The following MAPK10 variants were observed in gnomAD, a reference collection of about 807,000 sequenced individuals.
MAPK10 encodes the protein JNK3 alpha protein kinase.
In MAPK10, 25 loss-of-function variants were observed where a neutral mutation model predicts 59.3. That is an observed-to-expected ratio of 0.42 (90% CI 0.31 to 0.59). MAPK10 has a LOEUF of 0.59. Among genes scored for constraint, MAPK10 ranks in the 20% least tolerant of loss-of-function variants. MAPK10 has a pLI of 0.15. For missense variants in MAPK10, 351 were observed against 568.9 expected, an observed-to-expected ratio of 0.62 and a Z score of 3.90; for synonymous variants, 190 against 200.5, an observed-to-expected ratio of 0.95 and a Z score of 0.44.
intron 2 of MAPK10, among the ~76,000 whole-genome samples, chr4:86,217,252 C>T (rs1385333507): frequency 1.3e-5 from 2 of 152,096 alleles, no homozygotes; most frequent in Admixed American, 6.5e-5. Flanking sequence ...GGAGCCTGAA[C>T]CTAGACACAA....
intron 1 of MAPK10, chr4:86,370,817 T>A (rs1187932814): frequency 4.6e-5 from 7 of 152,200 alleles, no homozygotes; most frequent in Non-Finnish European, 1.5e-5. Context: ...TCTGTCGACA[T>A]GTTTCTTCAT....
intron 1 of MAPK10, among the ~76,000 whole-genome samples, chr4:86,540,060 C>A (rs1367328587): frequency 6.6e-6 from 1 of 152,106 alleles, no homozygotes; most frequent in Non-Finnish European, 1.5e-5. Flanking sequence ...ATTTCTATTG[C>A]CCTATAACAA....
chr4:86,269,126 G>C (rs1409565574), intron 2 of MAPK10, among the ~76,000 whole-genome samples: 1 of 152,114 alleles, frequency 6.6e-6, no homozygotes, highest in Non-Finnish European at 1.5e-5. Flanking sequence ...AGTACCATGA[G>C]ATAAAAAGAT....
intron 3 of MAPK10, chr4:86,193,311 TG>T (rs1288967945): frequency 6.6e-6 from 1 of 152,480 alleles, no homozygotes; most frequent in Non-Finnish European, 1.5e-5. Context: ...CCTTCAGAGC[TG>T]GCAGGCAGGA....
At position 86,369,518 on chromosome 4, in the gene MAPK10, C is replaced by A. The variant is rs529600745; in HGVS notation, c.-121-14874G>T. Among the ~76,000 whole-genome samples the A allele has an allele frequency of 2.6e-5, 4 of 152,144 alleles. No homozygotes were observed. The South Asian group carries it at 8.3e-4, about 32-fold the overall frequency. On this transcript the variant is annotated intron_variant, in intron 1 of 13. Coordinates refer to the MAPK10 transcript ENST00000361569. The stretch of plus-strand genomic sequence containing the variant: ...ATAATATGAATTTGGTGTATTTAGT[C>A]TTACATTTTTAAGCCAAATACTTAT...
upstream of MAPK10, among the ~76,000 whole-genome samples, chr4:86,457,190 C>G (rs1579288310): frequency 6.6e-6 from 1 of 152,198 alleles, no homozygotes; most frequent in Non-Finnish European, 1.5e-5. Flanking sequence ...GACAAACCCA[C>G]AGCCAACAGA....
At chr4:86,309,283 T>G (rs1166090678) in intron 2 of MAPK10, among the ~76,000 whole-genome samples, 1 of 152,164 alleles carries the variant, frequency 6.6e-6, no homozygotes, top group Admixed American at 6.6e-5. Flanking sequence ...CTGCTCAGCG[T>G]GAATATCTCT....
intron 2 of MAPK10, among the ~76,000 whole-genome samples, chr4:86,335,423 C>T (rs1314940690): frequency 2.0e-5 from 3 of 152,228 alleles, no homozygotes; most frequent in Non-Finnish European, 4.4e-5. Flanking sequence ...GCCTTAGAGT[C>T]CCAGGTAATA....
chr4:86,196,591 T>A (rs1402076254), intron 2 of MAPK10, among the ~76,000 whole-genome samples: 2 of 152,200 alleles, frequency 1.3e-5, no homozygotes, highest in African/African-American at 4.8e-5. Context: ...TTTTGGCTTT[T>A]GTTGCTATTG....
intron 1 of MAPK10, among the ~76,000 whole-genome samples, chr4:86,502,289 T>A (rs1476139205): frequency 6.6e-6 from 1 of 152,012 alleles, no homozygotes; most frequent in Non-Finnish European, 1.5e-5. Context: ...GAATACCCAT[T>A]CAGAATATAA....
intron 1 of MAPK10, among the ~76,000 whole-genome samples, chr4:86,427,106 A>C (rs995395499): frequency 6.6e-6 from 1 of 151,842 alleles, no homozygotes. Flanking sequence ...AATACAAAAA[A>C]ATTAGCCGGG....
Position 86,017,428 on chromosome 4 carries a change from G to T in MAPK10, c.1253-58C>A. On this transcript the variant is annotated intron_variant, in intron 13 of 13. Transcript: ENST00000641462. The surrounding 1 kb of genome is among the most constrained non-coding windows in gnomAD (Gnocchi z 4.4). ...AATCTAGAACCAGACCCATCTTAAT[G>T]CCATTCAGGATTCAGGGATGGGCAA... is the stretch of plus-strand genomic sequence containing the variant. 1 of 1,596,244 alleles carries T rather than the reference G, an allele frequency of 6.3e-7. No homozygotes were observed. The highest frequency in any genetic ancestry group is 8.6e-7 in the Non-Finnish European group (1 of 1,166,892).
chr4:86,434,955 C>T (rs985348061), intron 1 of MAPK10, among the ~76,000 whole-genome samples: 16 of 152,146 alleles, frequency 1.1e-4, no homozygotes, highest in Non-Finnish European at 1.5e-5. Flanking sequence ...GAATATTGCT[C>T]AGACATAAAG....
At chr4:86,072,198 G>T (rs2048175986) in intron 9 of MAPK10, among the ~76,000 whole-genome samples, 1 of 150,758 alleles carries the variant, frequency 6.6e-6, no homozygotes, top group African/African-American at 2.4e-5. Context: ...CTGTTTGTCT[G>T]TTGTTGGTGT....
chr4:86,240,737 C>T (rs2092669793), intron 2 of MAPK10, among the ~76,000 whole-genome samples: 3 of 151,946 alleles, frequency 2.0e-5, no homozygotes, highest in Admixed American at 2.0e-4. Flanking sequence ...TGTGTCTTTG[C>T]ATGTAAGATG....
intron 2 of MAPK10, among the ~76,000 whole-genome samples, chr4:86,274,876 T>C (rs2094529556): frequency 6.6e-6 from 1 of 152,006 alleles, no homozygotes; most frequent in Admixed American, 6.6e-5. Context: ...AGACTGAGAT[T>C]AAGCAATTTT....
At chr4:86,388,020 T>C (rs1280436384) in intron 1 of MAPK10, among the ~76,000 whole-genome samples, 1 of 149,474 alleles carries the variant, frequency 6.7e-6, no homozygotes, top group Non-Finnish European at 1.5e-5. Context: ...ATAATAAAAA[T>C]ATAAAAAACA....
chr4:86,389,110 G>T (rs771353817), intron 1 of MAPK10, among the ~76,000 whole-genome samples: 8 of 152,116 alleles, frequency 5.3e-5, no homozygotes, highest in Non-Finnish European at 1.0e-4. Context: ...CCGCTTTGGT[G>T]CTGTTCTCCT....
intron 1 of MAPK10, among the ~76,000 whole-genome samples, chr4:86,582,842 C>G (rs1565076621): frequency 6.6e-6 from 1 of 151,892 alleles, no homozygotes; most frequent in Non-Finnish European, 1.5e-5. Context: ...ATATTTTTAT[C>G]TTACTACTGT....
Sources: gnomAD v4.1 joint callset for allele counts (sites outside exome capture counted in the v4.1 genomes callset) on GRCh38, gnomAD v4.1.1 for gene constraint, Gnocchi (gnomAD v3.1) non-coding constraint, MANE v1.5 for transcripts, NCBI Gene and HGNC (gene_info 2026-07-23, HGNC 2026-07-21) for gene names.